Variants in MIPEP observed in about 807,000 individuals in gnomAD.
MIPEP encodes the protein mitochondrial intermediate peptidase.
MIPEP carries 79 observed loss-of-function variants against 90.3 expected under a neutral mutation model. That is an observed-to-expected ratio of 0.87 (90% CI 0.73 to 1.05). The LOEUF (loss-of-function observed/expected upper bound fraction) is 1.05, where lower values mean the gene tolerates loss of function less well. Among genes scored for constraint, MIPEP ranks in the 50% least tolerant of loss-of-function variants. The pLI is 0.00. For missense variants in MIPEP, 940 were observed against 905.6 expected, an observed-to-expected ratio of 1.04 and a Z score of -0.49; for synonymous variants, 334 against 315.8, an observed-to-expected ratio of 1.06 and a Z score of -0.61.
chr13:23,743,855 C>T (rs527805954), intron 18 of MIPEP, among the ~76,000 whole-genome samples: 8 of 152,326 alleles, frequency 5.3e-5, no homozygotes, highest in Admixed American at 4.6e-4. Context: ...GCCTTGAGAA[C>T]GCAGGTGCTC....
intron 3 of MIPEP, among the ~76,000 whole-genome samples, chr13:23,880,763 T>G (rs1350206778): frequency 6.6e-6 from 1 of 152,222 alleles, no homozygotes. Context: ...TGTGCCAAAG[T>G]GAACAAATGT....
In MIPEP at chr13:23,784,868, G is replaced by T. The variant is rs1406533362; in HGVS notation, c.1848+21082C>A. ...CTTCTCAAAAGAAGACATTTATGCA[G>T]CCAACAGACACATGAAAAAATGTTC... On this transcript the variant is annotated intron_variant, in intron 16 of 18. Coordinates refer to ENST00000382172, the MANE Select transcript of MIPEP (RefSeq NM_005932.4). Among the ~76,000 whole-genome samples, 7 of 152,272 alleles carry T rather than the reference G, an allele frequency of 4.6e-5. No individual in the cohort carries two copies. In the South Asian group the frequency reaches 8.3e-4, roughly 18 times the overall value.
At chr13:23,813,448 G>A (rs1459328828) in intron 14 of MIPEP, among the ~76,000 whole-genome samples, 1 of 152,128 alleles carries the variant, frequency 6.6e-6, no homozygotes, top group Admixed American at 6.6e-5. Context: ...CACCTCGTGT[G>A]TAAATAGTTG....
At chr13:23,883,987 G>A (rs1423441439) in intron 2 of MIPEP, among the ~76,000 whole-genome samples, 1 of 152,198 alleles carries the variant, frequency 6.6e-6, no homozygotes, top group Non-Finnish European at 1.5e-5. Flanking sequence ...GTTTTCTTAA[G>A]AGCGGGAGGC....
At chr13:23,775,096 G>C (rs1213232010) in intron 16 of MIPEP, among the ~76,000 whole-genome samples, 2 of 144,434 alleles carry the variant, frequency 1.4e-5, no homozygotes, top group Admixed American at 7.1e-5. Context: ...ACTGCACCCA[G>C]CCTATCAGTT....
intron 10 of MIPEP, among the ~76,000 whole-genome samples, chr13:23,843,873 T>C (rs1869415930): frequency 6.6e-6 from 1 of 152,142 alleles, no homozygotes; most frequent in Non-Finnish European, 1.5e-5. Context: ...AGAATAACAC[T>C]CAGGTTTCTG....
chr13:23,864,613 A>G (rs530048090), intron 7 of MIPEP, among the ~76,000 whole-genome samples: 4 of 151,942 alleles, frequency 2.6e-5, no homozygotes, highest in South Asian at 2.1e-4. Flanking sequence ...GTGCATGCCT[A>G]TAGTCCCAGC....
Position 23,874,877 on chromosome 13 carries a change from T to A in MIPEP, c.572A>T (p.Glu191Val), listed in dbSNP as rs1362133054. The A allele has an allele frequency of 6.2e-7, 1 of 1,600,352 alleles. No individual in the cohort carries two copies. Among genetic ancestry groups the A allele is most frequent in the Non-Finnish European group, 8.5e-7 (1 of 1,175,542 alleles). ...RVAELFMFDFEISGIHLDKEK... is the reference protein window; with the variant it reads ...RVAELFMFDFVISGIHLDKEK... ...TTTGTCTAGATGGATTCCACTAATT[T>A]CAAAATCAAACATAAACAGTTCAGC... is the stretch of plus-strand genomic sequence containing the variant. Residue 191 changes from glutamate (E) to valine (V), a missense_variant, in exon 5 of 19, where the codon GAA becomes GTA. By Grantham distance (121) the Glu-to-Val change is moderately radical. Transcript: ENST00000382172.
intron 5 of MIPEP, among the ~76,000 whole-genome samples, chr13:23,870,709 G>T (rs1428568604): frequency 1.3e-5 from 2 of 152,078 alleles, no homozygotes; most frequent in Non-Finnish European, 2.9e-5. Flanking sequence ...AGAGGCTGAG[G>T]CACGAGAATC....
At chr13:23,842,180 G>A (rs991231620) in intron 10 of MIPEP, 2 of 152,028 alleles carry the variant, frequency 1.3e-5, no homozygotes, top group African/African-American at 4.8e-5. Flanking sequence ...AAAATATATA[G>A]CCATAGCCAA....
intron 10 of MIPEP, among the ~76,000 whole-genome samples, chr13:23,845,721 C>T (rs1444506705): frequency 6.6e-6 from 1 of 152,220 alleles, no homozygotes; most frequent in Non-Finnish European, 1.5e-5. Context: ...TTCTAACTTA[C>T]ATTCCTACCT....
At chr13:23,762,330 T>C (rs556215865) in intron 16 of MIPEP, among the ~76,000 whole-genome samples, 48 of 152,286 alleles carry the variant, frequency 3.2e-4, no homozygotes, top group East Asian at 2.9e-3. Context: ...TTTAAAAATA[T>C]GGTTACTTCA....
chr13:23,811,263 A>C (rs1953168103), intron 14 of MIPEP, among the ~76,000 whole-genome samples: 1 of 152,234 alleles, frequency 6.6e-6, no homozygotes. Flanking sequence ...TTTACAAAAA[A>C]AGTATATGTG....
At chr13:23,806,217 G>A (rs1953105550) in intron 15 of MIPEP, 148 bp from the exon 16 acceptor site, 3 of 779,408 alleles carry the variant, frequency 3.8e-6, no homozygotes, top group Non-Finnish European at 6.4e-6. Flanking sequence ...GGTTTGAAAT[G>A]TATTTCATAC....
Position 23,879,426 on chromosome 13 carries a change from T to C in MIPEP, c.453-72A>G, listed in dbSNP as rs191916240. 2.7e-5 allele frequency: 22 copies of C among 815,488 alleles called. No individual in the cohort carries two copies. In the African/African-American group the frequency reaches 3.3e-4, roughly 12 times the overall value. 50.5% of individuals were successfully genotyped at this position (815,488 alleles called of 1,614,324 possible). A position where few individuals can be genotyped will look rare whatever the true frequency, so the allele number is the denominator to read the frequency against. On this transcript the variant is annotated intron_variant, in intron 3 of 18. Transcript: ENST00000382172. ...TATTTTTAACTTTACATGAAAAGAA[T>C]GGTGTCAGCTTGTACCACACACATG... is the stretch of plus-strand genomic sequence containing the variant.
Position 23,739,059 on chromosome 13 carries a change from C to T in MIPEP, c.2045-8614G>A, listed in dbSNP as rs189772747. ...AAATACTGAGCAAGAAAGATGTAGA[C>T]GATTGTAATTTTCTACTTAACTAAA... is the stretch of plus-strand genomic sequence containing the variant. On this transcript the variant is annotated intron_variant, in intron 18 of 18. Coordinates refer to ENST00000382172, the MANE Select transcript of MIPEP (RefSeq NM_005932.4). Among the ~76,000 whole-genome samples the T allele has an allele frequency of 1.6e-4, 25 of 152,304 alleles. No individual in the cohort carries two copies. The Middle Eastern group carries it at 0.014, about 83-fold the overall frequency.
At chr13:23,763,359 A>C (rs1424657192) in intron 16 of MIPEP, among the ~76,000 whole-genome samples, 1 of 152,206 alleles carries the variant, frequency 6.6e-6, no homozygotes, top group African/African-American at 2.4e-5. Context: ...ACTGATGATA[A>C]GCGTCTCTCA....
chr13:23,823,692 G>A (rs2137432528), intron 14 of MIPEP, among the ~76,000 whole-genome samples: 1 of 152,308 alleles, frequency 6.6e-6, no homozygotes, highest in South Asian at 2.1e-4. Flanking sequence ...AGCTGGGCAT[G>A]ATAACAGGCC....
At chr13:23,797,335 GC>G (rs1952973880) in intron 16 of MIPEP, among the ~76,000 whole-genome samples, 1 of 152,058 alleles carries the variant, frequency 6.6e-6, no homozygotes, top group South Asian at 2.1e-4. Flanking sequence ...GGACCCACTG[GC>G]CCAACACTGT....
Sources: allele counts gnomAD v4.1 joint callset (sites outside exome capture counted in the v4.1 genomes callset), GRCh38; gene constraint gnomAD v4.1.1; transcripts MANE v1.5; gene names NCBI Gene and HGNC (gene_info 2026-07-23, HGNC 2026-07-21).